CCSER1: variants seen among roughly 807,000 people sequenced by gnomAD.
CCSER1 encodes the protein coiled-coil serine rich protein 1.
In CCSER1, 41 loss-of-function variants were observed where a neutral mutation model predicts 82.0. The observed-to-expected ratio is 0.50, with a 90% CI of 0.39 to 0.65. CCSER1 has a LOEUF of 0.65. Ranked by LOEUF, CCSER1 falls within the 30% of genes least tolerant of loss-of-function variation. The pLI, the probability that CCSER1 is intolerant of heterozygous loss-of-function variation, is 0.00. For missense variants in CCSER1, 1,119 were observed against 1,064.2 expected, an observed-to-expected ratio of 1.05 and a Z score of -0.72; for synonymous variants, 414 against 383.9, an observed-to-expected ratio of 1.08 and a Z score of -0.92.
In CCSER1 at chr4:90,648,548, T is replaced by G. The variant is rs530666584; in HGVS notation, c.1932+20316T>G. ...GTGACTGTATTTGGAGATAAGGCCT[T>G]TAACTAAGGTTAAATGAGGTTATAA... On this transcript the variant is annotated intron_variant, in intron 6 of 10. Transcript: ENST00000509176. Among the ~76,000 whole-genome samples, 257 of 57,160 alleles carry G rather than the reference T, an allele frequency of 4.5e-3. 1 individual carries two copies. The highest frequency in any genetic ancestry group is 0.015 in the African/African-American group (249 of 16,828). 37.5% of individuals were successfully genotyped at this position (57,160 alleles called of 152,430 possible). A position where few individuals can be genotyped will look rare whatever the true frequency, so the allele number is the denominator to read the frequency against.
chr4:91,587,349 T>G (rs73836254), intron 10 of CCSER1, among the ~76,000 whole-genome samples: 15,012 of 151,626 alleles, frequency 0.099, 761 homozygotes, highest in Middle Eastern at 0.16. Flanking sequence ...TCCTTCTGCT[T>G]TTAGAAAACT....
At chr4:91,453,276 C>G (rs1755968236) in intron 10 of CCSER1, among the ~76,000 whole-genome samples, 1 of 151,942 alleles carries the variant, frequency 6.6e-6, no homozygotes, top group African/African-American at 2.4e-5. Flanking sequence ...AAGGCAGAAA[C>G]AAGTCAATCA....
At chr4:91,247,440 A>T (rs766364855) in intron 10 of CCSER1, among the ~76,000 whole-genome samples, 2 of 152,214 alleles carry the variant, frequency 1.3e-5, no homozygotes, top group Non-Finnish European at 2.9e-5. Context: ...CAGCACTATG[A>T]ATTTATGTTT....
chr4:90,752,391 A>G (rs757751508), intron 7 of CCSER1, among the ~76,000 whole-genome samples: 3 of 152,134 alleles, frequency 2.0e-5, no homozygotes, highest in South Asian at 2.1e-4. Context: ...CATATAAGAA[A>G]CACTGTATTT....
intron 5 of CCSER1, among the ~76,000 whole-genome samples, chr4:90,551,012 G>A (rs74899222): frequency 0.012 from 1,760 of 152,228 alleles, 31 homozygotes; most frequent in African/African-American, 0.04. Flanking sequence ...CATCATAAGT[G>A]TGACCATCTC....
intron 4 of CCSER1, among the ~76,000 whole-genome samples, chr4:90,412,602 A>G (rs1300654482): frequency 6.6e-6 from 1 of 152,176 alleles, no homozygotes; most frequent in Non-Finnish European, 1.5e-5. Context: ...ATGGTTTAAC[A>G]GATGTAAGTC....
intron 10 of CCSER1, among the ~76,000 whole-genome samples, chr4:91,335,947 A>G (rs1242906894): frequency 1.3e-5 from 2 of 152,126 alleles, no homozygotes; most frequent in South Asian, 2.1e-4. Flanking sequence ...ATTTTTGGCC[A>G]TAATTTACTC....
chr4:91,449,694 A>C (rs1188682958), intron 10 of CCSER1, among the ~76,000 whole-genome samples: 1 of 151,878 alleles, frequency 6.6e-6, no homozygotes, highest in Non-Finnish European at 1.5e-5. Flanking sequence ...ATATGCTTAA[A>C]ATTATTTATT....
intron 10 of CCSER1, among the ~76,000 whole-genome samples, chr4:91,584,944 A>G (rs1395382826): frequency 6.6e-6 from 1 of 151,398 alleles, no homozygotes; most frequent in African/African-American, 2.4e-5. Context: ...GCCTTTTATT[A>G]TGTATTTTTA....
At chr4:90,402,434 A>G (rs1451525554) in intron 4 of CCSER1, among the ~76,000 whole-genome samples, 1 of 152,204 alleles carries the variant, frequency 6.6e-6, no homozygotes, top group Non-Finnish European at 1.5e-5. Context: ...TTATAGAGAT[A>G]AATGTGGTGG....
intron 9 of CCSER1, among the ~76,000 whole-genome samples, chr4:90,959,987 A>G (rs1581207815): frequency 1.3e-5 from 2 of 152,124 alleles, no homozygotes; most frequent in East Asian, 3.9e-4. Flanking sequence ...AGATTTGTCT[A>G]TGTCTGTCTC....
chr4:90,918,238 G>A (rs1275460694), intron 8 of CCSER1: 3 of 455,192 alleles, frequency 6.6e-6, no homozygotes, highest in African/African-American at 4.0e-5. Flanking sequence ...AGATTCTAAA[G>A]CAAACTACTA....
intron 6 of CCSER1, among the ~76,000 whole-genome samples, chr4:90,645,951 C>G (rs1727500409): frequency 6.6e-6 from 1 of 152,144 alleles, no homozygotes; most frequent in Non-Finnish European, 1.5e-5. Context: ...CTGAATATTT[C>G]TCTTTACTTG....
At chr4:90,397,739 T>C (rs75381363) in intron 3 of CCSER1, among the ~76,000 whole-genome samples, 4,981 of 152,278 alleles carry the variant, frequency 0.033, 96 homozygotes, top group African/African-American at 0.057. Flanking sequence ...TTGGCTCATA[T>C]AAGAATCTGG....
chr4:91,324,387 C>T (rs79218500), intron 10 of CCSER1, among the ~76,000 whole-genome samples: 2,799 of 152,110 alleles, frequency 0.018, 74 homozygotes, highest in African/African-American at 0.064. Context: ...AGAGAATTCT[C>T]GAGTGTTGTC....
chr4:91,310,115 C>A (rs1172411637), intron 10 of CCSER1, among the ~76,000 whole-genome samples: 1 of 151,934 alleles, frequency 6.6e-6, no homozygotes, highest in East Asian at 1.9e-4. Flanking sequence ...CATATTAGAG[C>A]CCACCTGCTA....
rs79374741 is a variant in CCSER1 at position 90,851,727 on chromosome 4, G to C, written c.2094+35882G>C. On this transcript the variant is annotated intron_variant, in intron 8 of 10. Coordinates refer to ENST00000509176, the MANE Select transcript of CCSER1 (RefSeq NM_001145065.2). ...TCTGAAATTAAACAGTATGTTTCTA[G>C]ATAGCTGGATTGATCTTTAACTGTG... is the stretch of plus-strand genomic sequence containing the variant. 7.9e-5 allele frequency among the ~76,000 whole-genome samples: 12 copies of C among 152,212 alleles called. No homozygotes were observed. In the East Asian group the frequency reaches 2.1e-3, roughly 27 times the overall value.
intron 5 of CCSER1, among the ~76,000 whole-genome samples, chr4:90,582,771 G>T (rs1781543571): frequency 6.6e-6 from 1 of 152,144 alleles, no homozygotes; most frequent in Admixed American, 6.5e-5. Flanking sequence ...GTATCCCTAT[G>T]TTGATGATTA....
intron 1 of CCSER1, among the ~76,000 whole-genome samples, chr4:90,227,074 G>C (rs1339645281): frequency 6.6e-6 from 1 of 152,134 alleles, no homozygotes; most frequent in Non-Finnish European, 1.5e-5. Flanking sequence ...TGGTCTGAAG[G>C]CTTTCTCTGC....
Sources: gnomAD v4.1 joint callset for allele counts (sites outside exome capture counted in the v4.1 genomes callset) on GRCh38, gnomAD v4.1.1 for gene constraint, MANE v1.5 for transcripts, NCBI Gene and HGNC (gene_info 2026-07-23, HGNC 2026-07-21) for gene names.